Variants in CNTN4 observed in about 807,000 individuals in gnomAD.
The protein encoded by CNTN4 is contactin 4.
A neutral mutation model predicts 122.5 loss-of-function variants in CNTN4; 77 were observed. That is an observed-to-expected ratio of 0.63 (90% CI 0.52 to 0.76). The LOEUF is 0.76. Among genes scored for constraint, CNTN4 ranks in the 30% least tolerant of loss-of-function variants. The pLI is 0.00. For synonymous variants in CNTN4, 512 were observed against 447.0 expected (o/e 1.15, Z -1.83); for missense variants, 1,256 against 1,259.1 (o/e 1.00, Z 0.04).
intron 4 of CNTN4, among the ~76,000 whole-genome samples, chr3:2,732,343 A>C (rs1036792618): frequency 3.3e-5 from 5 of 152,170 alleles, no homozygotes; most frequent in Non-Finnish European, 5.9e-5. Context: ...GGTTTGATAA[A>C]ACAAGCATGG....
Position 2,184,800 on chromosome 3 carries a change from G to A in CNTN4, c.-145+84161G>A, listed in dbSNP as rs113563371. Among the ~76,000 whole-genome samples, 775 of 152,156 alleles carry A rather than the reference G, an allele frequency of 5.1e-3. 2 individuals are homozygous for A. The highest frequency in any genetic ancestry group is 0.017 in the African/African-American group (709 of 41,508). On this transcript the variant is annotated intron_variant, in intron 2 of 24. Transcript: ENST00000418658. ...CTGAACCTGCTGGCACCTTGGTCTT[G>A]GACTTCCCAGCCTCCAGAAGTGTGA...
intron 7 of CNTN4, among the ~76,000 whole-genome samples, chr3:2,843,478 G>C (rs1034738972): frequency 6.6e-6 from 1 of 152,134 alleles, no homozygotes; most frequent in South Asian, 2.1e-4. Flanking sequence ...GATAGATAGA[G>C]TTTGAATTAT....
rs548567997 is a variant in CNTN4, at chr3:2,724,098, G to A, written c.56-12117G>A. 1.1e-4 allele frequency among the ~76,000 whole-genome samples: 16 copies of A among 152,290 alleles called. 1 individual carries two copies. The South Asian group carries it at 3.3e-3, about 32-fold the overall frequency. On this transcript the variant is annotated intron_variant, in intron 4 of 24. Coordinates refer to ENST00000418658, the MANE Select transcript of CNTN4 (RefSeq NM_175607.3). ...GGATACATAGGGGTTATCTTTTGAG[G>A]AAGGGAGAGTCAGAGTTGATTTGTA...
chr3:2,995,652 C>G (rs1695468082), intron 14 of CNTN4, among the ~76,000 whole-genome samples: 2 of 152,160 alleles, frequency 1.3e-5, no homozygotes, highest in East Asian at 1.9e-4. Flanking sequence ...AACATCACCT[C>G]ATTAATAATC....
rs138474154 is a variant in CNTN4, at chr3:2,983,176, T to C, written c.1359-5169T>C. On this transcript the variant is annotated intron_variant, in intron 13 of 24. Transcript: ENST00000418658. ...TTGCAGTGAGCCGAGATCGCAGCAC[T>C]GCACTCCAGCCTGGGTGACAGAGCG... Among the ~76,000 whole-genome samples, 1,100 of 112,734 alleles carry C rather than the reference T, an allele frequency of 9.8e-3. 12 individuals are homozygous for C. Among genetic ancestry groups the C allele is most frequent in the African/African-American group, 0.036 (1,048 of 29,194 alleles). 74.0% of individuals were successfully genotyped at this position (112,734 alleles called of 152,430 possible). A position where few individuals can be genotyped will look rare whatever the true frequency, so the allele number is the denominator to read the frequency against.
intron 3 of CNTN4, among the ~76,000 whole-genome samples, chr3:2,386,796 T>C (rs1189653114): frequency 1.3e-5 from 2 of 152,216 alleles, no homozygotes; most frequent in Non-Finnish European, 2.9e-5. Context: ...CTGAAACATA[T>C]ACATAGGGTA....
intron 4 of CNTN4, among the ~76,000 whole-genome samples, chr3:2,582,350 C>T (rs2079981063): frequency 6.6e-6 from 1 of 152,090 alleles, no homozygotes; most frequent in African/African-American, 2.4e-5. Flanking sequence ...GTCCAAAGTC[C>T]CACAGATAAT....
chr3:2,921,468 T>C (rs2094429544), intron 12 of CNTN4, among the ~76,000 whole-genome samples: 1 of 152,230 alleles, frequency 6.6e-6, no homozygotes, highest in African/African-American at 2.4e-5. Context: ...CATAATCTGA[T>C]ACCAATATTT....
intron 2 of CNTN4, among the ~76,000 whole-genome samples, chr3:2,167,641 A>G (rs1341821395): frequency 2.0e-5 from 3 of 152,236 alleles, no homozygotes; most frequent in East Asian, 1.9e-4. Flanking sequence ...GCTCATACCA[A>G]TGCTTTGATA....
At chr3:2,968,874 G>C (rs1692595911) in intron 13 of CNTN4, among the ~76,000 whole-genome samples, 1 of 152,148 alleles carries the variant, frequency 6.6e-6, no homozygotes, top group Non-Finnish European at 1.5e-5. Context: ...TGTATACACT[G>C]TCTCACAAGT....
At chr3:2,694,971 T>C (rs1175693853) in intron 4 of CNTN4, among the ~76,000 whole-genome samples, 1 of 152,182 alleles carries the variant, frequency 6.6e-6, no homozygotes, top group Non-Finnish European at 1.5e-5. Flanking sequence ...ATCTTATAAA[T>C]TAAGTGCAGA....
At chr3:2,824,158 T>TA (rs56973508) in intron 7 of CNTN4, among the ~76,000 whole-genome samples, 40,377 of 142,712 alleles carry the variant, frequency 0.28, 6,211 homozygotes, top group African/African-American at 0.42. Flanking sequence ...CCAAGGCTGT[T>TA]AAAAAAAAAA....
chr3:2,629,489 C>G (rs1488737151), intron 4 of CNTN4: 3 of 411,188 alleles, frequency 7.3e-6, no homozygotes. Context: ...TTTCTATTTT[C>G]TAGTGAAGAA....
Position 2,418,661 on chromosome 3 carries a change from A to G in CNTN4, c.-89+79428A>G, listed in dbSNP as rs182059908. Among the ~76,000 whole-genome samples the G allele has an allele frequency of 1.5e-3, 229 of 152,326 alleles. 7 individuals are homozygous for G. The highest frequency in any genetic ancestry group is 0.014 in the Admixed American group (208 of 15,296). On this transcript the variant is annotated intron_variant, in intron 3 of 24. Coordinates refer to ENST00000418658, the MANE Select transcript of CNTN4 (RefSeq NM_175607.3). The stretch of plus-strand genomic sequence containing the variant: ...TAAAAAGGTTTCACTTTTGTAAAGC[A>G]CATCCAGGGTTTATAGGAAAGGAAA...
intron 3 of CNTN4, among the ~76,000 whole-genome samples, chr3:2,394,361 G>A (rs1477595134): frequency 6.6e-6 from 1 of 152,092 alleles, no homozygotes; most frequent in African/African-American, 2.4e-5. Flanking sequence ...AAAGATAATT[G>A]AGACTTATGT....
intron 4 of CNTN4, among the ~76,000 whole-genome samples, chr3:2,654,509 T>C (rs1439055959): frequency 6.6e-6 from 1 of 152,194 alleles, no homozygotes; most frequent in Non-Finnish European, 1.5e-5. Context: ...TGTTTCTCTC[T>C]TTTCTCCAAC....
intron 4 of CNTN4, among the ~76,000 whole-genome samples, chr3:2,627,396 CTT>C (rs1403165752): frequency 5.3e-5 from 8 of 151,184 alleles, no homozygotes; most frequent in Admixed American, 5.3e-4. Flanking sequence ...CAAGTTGACT[CTT>C]TTTTCTTGAA....
intron 7 of CNTN4, among the ~76,000 whole-genome samples, chr3:2,823,772 T>G (rs1385919813): frequency 6.6e-6 from 1 of 152,064 alleles, no homozygotes; most frequent in Non-Finnish European, 1.5e-5. Context: ...TATTCCTCAA[T>G]AAAATCCTCA....
chr3:2,683,295 G>A (rs193128716), intron 4 of CNTN4, among the ~76,000 whole-genome samples: 3 of 150,828 alleles, frequency 2.0e-5, no homozygotes, highest in Admixed American at 2.0e-4. Flanking sequence ...GATAGACCCT[G>A]CCCAAATCCA....
Sources: allele counts gnomAD v4.1 joint callset (sites outside exome capture counted in the v4.1 genomes callset), GRCh38; gene constraint gnomAD v4.1.1; transcripts MANE v1.5; gene names NCBI Gene and HGNC (gene_info 2026-07-23, HGNC 2026-07-21).